The following PKN2 variants were observed in gnomAD, a reference collection of about 807,000 sequenced individuals.
PKN2 encodes protein kinase N2, also known as serine/threonine-protein kinase N2.
In PKN2, 38 loss-of-function variants were observed where a neutral mutation model predicts 119.1. The observed-to-expected ratio is 0.32, with a 90% CI of 0.25 to 0.42. PKN2 has a LOEUF of 0.42. PKN2 is among the 10% of genes least tolerant of loss of function. PKN2 has a pLI of 1.00. For synonymous variants in PKN2, 390 were observed against 384.9 expected (o/e 1.01, Z -0.15); for missense variants, 850 against 1,165.1 (o/e 0.73, Z 3.94).
At position 88,693,554 on chromosome 1, in the gene PKN2, A is replaced by G. The variant is rs1666412932; in HGVS notation, c.48+8926A>G. On this transcript the variant is annotated intron_variant, in intron 1 of 21. Coordinates refer to ENST00000370521, the MANE Select transcript of PKN2 (RefSeq NM_006256.4). ...GTTCTAAGGAAATGATATTATAAAC[A>G]ATGAAACATTAGCCAGAAGTGGTGA... is the stretch of plus-strand genomic sequence containing the variant. 3.3e-5 allele frequency among the ~76,000 whole-genome samples: 5 copies of G among 152,184 alleles called. No homozygotes were observed. In the South Asian group the frequency reaches 1.0e-3, roughly 32 times the overall value.
chr1:88,805,901 G>A lies in PKN2; in HGVS notation c.1687G>A (p.Val563Ile). The change falls in exon 12 of 22, where the codon GTA becomes ATA. Residue 563 changes from valine to isoleucine, a missense_variant. By Grantham distance (29) the Val-to-Ile change is conservative. Around this residue, in one of 9 missense-constraint regions of PKN2, gnomAD observed 216 missense variants for 252.8 expected, o/e 0.85. Coordinates refer to ENST00000370521, the MANE Select transcript of PKN2 (RefSeq NM_006256.4). ...QLAPPASDST[V>I]TKLDFDLEPE... ...TTTATCTTCTATAAGTGATTCTACA[G>A]TAACCAAATTGGACTTTGATCTTGA... 1 of 1,614,038 alleles carries A rather than the reference G, an allele frequency of 6.2e-7. No individual in the cohort carries two copies. The highest frequency in any genetic ancestry group is 8.5e-7 in the Non-Finnish European group (1 of 1,179,958).
chr1:88,832,329 G>A (rs1041979654), intron 19 of PKN2, among the ~76,000 whole-genome samples: 2 of 151,696 alleles, frequency 1.3e-5, no homozygotes, highest in South Asian at 4.2e-4. Flanking sequence ...AGGTTCTTCA[G>A]GATTTATCTA....
At chr1:88,824,259 C>G in intron 17 of PKN2, 51 bp from the exon 18 acceptor site, 1 of 927,406 alleles carries the variant, frequency 1.1e-6, no homozygotes, top group South Asian at 1.4e-5. Flanking sequence ...GTATAACCTA[C>G]TGATTTCTTT....
intron 1 of PKN2, among the ~76,000 whole-genome samples, chr1:88,712,179 A>G (rs1040764558): frequency 1.3e-5 from 2 of 152,164 alleles, no homozygotes; most frequent in East Asian, 1.9e-4. Context: ...AGCAAGTTAT[A>G]TTAAATATGT....
intron 15 of PKN2, among the ~76,000 whole-genome samples, chr1:88,808,281 T>C (rs1005353438): frequency 6.6e-6 from 1 of 152,112 alleles, no homozygotes; most frequent in African/African-American, 2.4e-5. Flanking sequence ...TGGTATCTTA[T>C]ACAATTGTTT....
intron 1 of PKN2, among the ~76,000 whole-genome samples, chr1:88,690,401 T>C (rs1666286023): frequency 6.6e-6 from 1 of 152,200 alleles, no homozygotes; most frequent in Non-Finnish European, 1.5e-5. Flanking sequence ...CCTCATAAAA[T>C]ATACTGTGCT....
rs564468774 is a variant in PKN2, at chr1:88,802,545, C to T, written c.1282-1846C>T. Among the ~76,000 whole-genome samples, 3 of 152,172 alleles carry T rather than the reference C, an allele frequency of 2.0e-5. No homozygotes were observed. In the East Asian group the frequency reaches 5.8e-4, roughly 29 times the overall value. On this transcript the variant is annotated intron_variant, in intron 8 of 21. Coordinates refer to ENST00000370521, the MANE Select transcript of PKN2 (RefSeq NM_006256.4). Reference sequence around the variant, plus strand: ...TCACCATGTTGGCCGTTGCTAGTCTCGAACTCCTGACCTCAAGTGATTCAC... The same window carrying T: ...TCACCATGTTGGCCGTTGCTAGTCTTGAACTCCTGACCTCAAGTGATTCAC...
At chr1:88,770,577 CTTTT>C (rs775781394) in intron 4 of PKN2, 108 bp downstream of exon 4, 71 of 455,652 alleles carry the variant, frequency 1.6e-4, no homozygotes, top group African/African-American at 1.3e-3. Flanking sequence ...ATTACTATTA[CTTTT>C]TTTTTTTTTT....
intron 2 of PKN2, among the ~76,000 whole-genome samples, chr1:88,759,295 A>G (rs892171499): frequency 6.6e-6 from 1 of 152,184 alleles, no homozygotes; most frequent in East Asian, 1.9e-4. Flanking sequence ...CCTGGGAGGC[A>G]GAGGTTGCAG....
intron 1 of PKN2, among the ~76,000 whole-genome samples, chr1:88,696,207 T>TA (rs1268359015): frequency 1.1e-4 from 16 of 152,240 alleles, no homozygotes; most frequent in Admixed American, 2.0e-4. Context: ...CCCATTAATT[T>TA]ATCCTTCAGA....
intron 1 of PKN2, among the ~76,000 whole-genome samples, chr1:88,712,572 AATG>A (rs1667277503): frequency 1.3e-5 from 2 of 152,182 alleles, no homozygotes. Context: ...TTAAGAATGT[AATG>A]ATGTATGTGA....
At chr1:88,831,975 A>T (rs1434921221) in intron 19 of PKN2, among the ~76,000 whole-genome samples, 2 of 152,022 alleles carry the variant, frequency 1.3e-5, no homozygotes, top group Non-Finnish European at 2.9e-5. Flanking sequence ...GTCATACTGA[A>T]TATAATGTAA....
intron 3 of PKN2, among the ~76,000 whole-genome samples, chr1:88,768,229 T>G (rs2100796147): frequency 6.6e-6 from 1 of 152,356 alleles, no homozygotes; most frequent in Admixed American, 6.5e-5. Context: ...TGTAACAAAT[T>G]ATCACAAATT....
chr1:88,750,118 T>G (rs766303817), intron 2 of PKN2, among the ~76,000 whole-genome samples: 27 of 152,212 alleles, frequency 1.8e-4, no homozygotes, highest in Non-Finnish European at 4.0e-4. Flanking sequence ...TAGGGTGTTT[T>G]GTGAACATGG....
In PKN2 at chr1:88,807,361, C is replaced by G; in HGVS notation, c.1852C>G (p.Pro618Ala). 6.3e-7 allele frequency: 1 copy of G among 1,595,078 alleles called. No homozygotes were observed. Among genetic ancestry groups the G allele is most frequent in the Non-Finnish European group, 8.6e-7 (1 of 1,164,706 alleles). The change falls in exon 13 of 22, where the codon CCA becomes GCA. Residue 618 changes from proline (P) to alanine (A), a missense_variant. Physicochemically the swap from Pro to Ala is conservative, Grantham distance 27. Coordinates refer to ENST00000370521, the MANE Select transcript of PKN2 (RefSeq NM_006256.4). Reference protein sequence around the residue: ...DIQNDRNSILPKSQSEYKPDT... With the variant: ...DIQNDRNSILAKSQSEYKPDT... ...TCAGAATGACAGAAATAGTATACTT[C>G]CAAAATCTCAATCTGAATACAAGCC...
intron 2 of PKN2, among the ~76,000 whole-genome samples, chr1:88,746,376 G>C (rs1436944084): frequency 1.3e-5 from 2 of 151,962 alleles, no homozygotes; most frequent in South Asian, 2.1e-4. Flanking sequence ...TATTGGATAA[G>C]GGGTCAGTAA....
At chr1:88,813,110 A>G (rs1346854482) in intron 15 of PKN2, among the ~76,000 whole-genome samples, 2 of 152,192 alleles carry the variant, frequency 1.3e-5, no homozygotes, top group African/African-American at 4.8e-5. Context: ...TCAACTTCAT[A>G]TCAATTTTAT....
chr1:88,784,869 C>A, intron 7 of PKN2, 45 bp downstream of exon 7: 1 of 1,188,014 alleles, frequency 8.4e-7, no homozygotes, highest in Non-Finnish European at 1.2e-6. Context: ...AACTAAAGTG[C>A]TTATACAAGG....
intron 1 of PKN2, among the ~76,000 whole-genome samples, chr1:88,690,021 G>A (rs1666265796): frequency 1.3e-5 from 2 of 152,160 alleles, no homozygotes. Context: ...TGACTACCAA[G>A]ATAAAAGTCT....
Sources: allele counts gnomAD v4.1 joint callset (sites outside exome capture counted in the v4.1 genomes callset), GRCh38; gene constraint gnomAD v4.1.1; regional missense constraint gnomAD v4.1.1; transcripts MANE v1.5; gene names NCBI Gene and HGNC (gene_info 2026-07-23, HGNC 2026-07-21).